The following CCDC57 variants were observed in gnomAD, a reference collection of about 807,000 sequenced individuals.
CCDC57 encodes the protein coiled-coil domain-containing protein 57.
In CCDC57, 118 loss-of-function variants were observed where a neutral mutation model predicts 118.9. The observed-to-expected ratio is 0.99, with a 90% CI of 0.86 to 1.16. The LOEUF is 1.16. CCDC57 is among the 50% of genes most tolerant of loss of function. The pLI is 0.00. For synonymous variants in CCDC57, 527 were observed against 532.9 expected, an observed-to-expected ratio of 0.99 and a Z score of 0.15; for missense variants, 1,300 against 1,320.7, an observed-to-expected ratio of 0.98 and a Z score of 0.24.
intron 19 of CCDC57, chr17:82,107,432 G>A (rs187699327): frequency 2.8e-5 from 13 of 469,366 alleles, no homozygotes; most frequent in East Asian, 1.4e-4. Context: ...CCTCCATGGC[G>A]TCTCTGCGCC....
exon 20 of CCDC57, chr17:82,101,523 C>A (rs572625186): frequency 9.5e-6 from 6 of 628,434 alleles, no homozygotes; most frequent in Non-Finnish European, 1.6e-5. Flanking sequence ...GGCCTTCAGT[C>A]AGCAGGGTCG....
rs2045801420 is a variant in CCDC57 at position 82,178,472 on chromosome 17, A to G, written c.1506+2T>C. On this transcript the variant is annotated splice_donor_variant, in intron 11 of 19. Transcript: ENST00000665763. LOFTEE classifies it high-confidence loss of function. ...TTCAAAGAGCCGACTGGGTACTCTC[A>G]CCTGTGCCCCTGGTCTGGGGAGCCC... is the stretch of plus-strand genomic sequence containing the variant. The G allele has an allele frequency of 1.9e-6, 3 of 1,604,754 alleles. No individual in the cohort carries two copies. In the African/African-American group the frequency reaches 4.0e-5, roughly 22 times the overall value.
chr17:82,119,070 C>G (rs2036295598), intron 19 of CCDC57, among the ~76,000 whole-genome samples: 1 of 118,582 alleles, frequency 8.4e-6, no homozygotes, highest in African/African-American at 3.5e-5. Context: ...ATCTACCAGG[C>G]TCCACTGAGC....
Position 82,172,965 on chromosome 17 carries a change from C to T in CCDC57, c.1507-105G>A. ...CCCGCGCCCCTCTCGGGCCGGTCCC[C>T]CGCTTCAGCTTGGGCTGTGGTCCCT... On this transcript the variant is annotated intron_variant, in intron 11 of 19. Transcript: ENST00000665763. This position sits in a 1 kb window ranked among gnomAD's most constrained non-coding sequence, Gnocchi z 5.2. The T allele has an allele frequency of 1.0e-6, 1 of 999,654 alleles. No homozygotes were observed. Among genetic ancestry groups the T allele is most frequent in the Non-Finnish European group, 1.5e-6 (1 of 657,246 alleles). 61.9% of individuals were successfully genotyped at this position (999,654 alleles called of 1,614,324 possible).
chr17:82,150,406 C>CGCACACCCAGAACCAGGT (rs1568271508), intron 16 of CCDC57, among the ~76,000 whole-genome samples: 4 of 117,008 alleles, frequency 3.4e-5, no homozygotes, highest in African/African-American at 9.7e-5. Flanking sequence ...CAGAACCAGG[C>CGCACACCCAGAACCAGGT]GCACACCCAG....
chr17:82,113,643 T>C, intron 19 of CCDC57: 1 of 717,336 alleles, frequency 1.4e-6, no homozygotes. Context: ...AGGGCTCCAC[T>C]CCACGCCAGG....
At chr17:82,106,543 T>G (rs2034859061) in intron 19 of CCDC57, 1 of 152,234 alleles carries the variant, frequency 6.6e-6, no homozygotes, top group Non-Finnish European at 1.5e-5. Flanking sequence ...ACCCTTCTCC[T>G]GCCTTTCAGA....
chr17:82,140,095 GT>G lies in CCDC57; in HGVS notation c.2456-5902del, dbSNP rs879900624. ...AAGTGATACCTTGTTTTTTTTGTTT[GT>G]TTTTTTTGAGACAGAGTCACGCTCT... is the stretch of plus-strand genomic sequence containing the variant. On this transcript the variant is annotated intron_variant, in intron 16 of 19. Coordinates refer to ENST00000665763, the Ensembl canonical transcript of CCDC57. 2.6e-5 allele frequency among the ~76,000 whole-genome samples: 4 copies of G among 151,492 alleles called. No individual in the cohort carries two copies. In the East Asian group the frequency reaches 5.8e-4, roughly 22 times the overall value.
chr17:82,117,746 C>T (rs549408097), intron 19 of CCDC57, among the ~76,000 whole-genome samples: 1 of 151,828 alleles, frequency 6.6e-6, no homozygotes, highest in Non-Finnish European at 1.5e-5. Flanking sequence ...GATTGGCCAA[C>T]AAACAAACAA....
chr17:82,182,016 G>A (rs2046266491), intron 9 of CCDC57, among the ~76,000 whole-genome samples: 1 of 152,110 alleles, frequency 6.6e-6, no homozygotes, highest in South Asian at 2.1e-4. Context: ...TACTCTAGAG[G>A]CTGACACAGG....
chr17:82,128,722 C>A lies in CCDC57; in HGVS notation c.2578-125G>T, dbSNP rs545376812. 56 of 724,752 alleles carry A rather than the reference C, an allele frequency of 7.7e-5. 1 individual carries two copies. The South Asian group carries it at 8.9e-4, about 12-fold the overall frequency. The allele number at this position is 724,752 out of a possible 1,614,324, so 44.9% of individuals were successfully genotyped here. ...CATTTCTGGTATTAAAGACTCACAC[C>A]ATTTGGTGACAGCCCGGACTGAAGG... On this transcript the variant is annotated intron_variant, in intron 17 of 19. Transcript: ENST00000665763.
intron 16 of CCDC57, among the ~76,000 whole-genome samples, chr17:82,147,393 T>G (rs541560931): frequency 1.3e-5 from 2 of 148,374 alleles, no homozygotes; most frequent in South Asian, 4.3e-4. Context: ...CATGGGTGGA[T>G]AGATGAACAG....
At chr17:82,180,700 C>T (rs1432586901) in intron 9 of CCDC57, among the ~76,000 whole-genome samples, 1 of 152,220 alleles carries the variant, frequency 6.6e-6, no homozygotes, top group East Asian at 1.9e-4. Context: ...TCGTCTCGAT[C>T]TCCTGACCTC....
intron 19 of CCDC57, chr17:82,126,548 G>A (rs1177244619): frequency 3.0e-6 from 3 of 985,056 alleles, no homozygotes; most frequent in African/African-American, 1.7e-5. Context: ...AAACACACAC[G>A]AAGATGCACG....
intron 19 of CCDC57, among the ~76,000 whole-genome samples, chr17:82,105,904 C>T (rs2034812459): frequency 6.6e-6 from 1 of 152,224 alleles, no homozygotes; most frequent in African/African-American, 2.4e-5. Flanking sequence ...CATCACTCAG[C>T]CTGGTGAGGC....
Position 82,172,863 on chromosome 17 carries a change from G to A in CCDC57, c.1507-3C>T. 1.2e-6 allele frequency: 2 copies of A among 1,607,328 alleles called. No homozygotes were observed. Among genetic ancestry groups the A allele is most frequent in the Non-Finnish European group, 1.7e-6 (2 of 1,176,608 alleles). The stretch of plus-strand genomic sequence containing the variant: ...TCTTCATGCTGCCTGAGAAGCATCT[G>A]TCAAATACAAGGAAAAATGGCTACA... On this transcript the variant is annotated splice_polypyrimidine_tract_variant and splice_region_variant and intron_variant, in intron 11 of 19. Coordinates refer to ENST00000665763, the Ensembl canonical transcript of CCDC57. This position sits in a 1 kb window ranked among gnomAD's most constrained non-coding sequence, Gnocchi z 5.2.
At chr17:82,116,774 C>A (rs1000296509) in intron 19 of CCDC57, among the ~76,000 whole-genome samples, 2 of 152,196 alleles carry the variant, frequency 1.3e-5, no homozygotes, top group Admixed American at 6.5e-5. Flanking sequence ...AGGCACTCAA[C>A]AAATACTCGA....
intron 15 of CCDC57, chr17:82,153,412 C>T (rs2042300266): frequency 6.6e-6 from 1 of 152,214 alleles, no homozygotes; most frequent in Non-Finnish European, 1.5e-5. Flanking sequence ...AAAAGCAGTC[C>T]CCTCTCCCTG....
Position 82,127,218 on chromosome 17 carries a change from G to A in CCDC57, c.2899+474C>T, listed in dbSNP as rs774595218. On this transcript the variant is annotated intron_variant, in intron 19 of 19. Coordinates refer to ENST00000665763, the Ensembl canonical transcript of CCDC57. ...GAGGATGAGGATGCGGCTGACACTTGTCTGGCCCGTGAGGCTGAGCATCAC... is the reference window on the plus strand; with the variant it reads ...GAGGATGAGGATGCGGCTGACACTTATCTGGCCCGTGAGGCTGAGCATCAC... The A allele has an allele frequency of 1.1e-5, 11 of 985,336 alleles. No individual in the cohort carries two copies. In the African/African-American group the frequency reaches 1.9e-4, roughly 17 times the overall value. The allele number at this position is 985,336 out of a possible 1,614,324, so 61.0% of individuals were successfully genotyped here.
Sources: gnomAD v4.1 joint callset for allele counts (sites outside exome capture counted in the v4.1 genomes callset) on GRCh38, gnomAD v4.1.1 for gene constraint, Gnocchi (gnomAD v3.1) non-coding constraint, MANE v1.5 for transcripts, NCBI Gene and HGNC (gene_info 2026-07-23, HGNC 2026-07-21) for gene names.